The following TMEM266 variants were observed in gnomAD, a reference collection of about 807,000 sequenced individuals.
The protein encoded by TMEM266 is Hv1 related protein 1.
TMEM266 carries 33 observed loss-of-function variants against 50.5 expected under a neutral mutation model. That is an observed-to-expected ratio of 0.65 (90% CI 0.50 to 0.87). The LOEUF is 0.87. Ranked by LOEUF, TMEM266 falls within the 40% of genes least tolerant of loss-of-function variation. TMEM266 has a pLI of 0.00. For synonymous variants in TMEM266, 310 were observed against 292.3 expected, an observed-to-expected ratio of 1.06 and a Z score of -0.62; for missense variants, 655 against 695.1, an observed-to-expected ratio of 0.94 and a Z score of 0.65.
chr15:76,106,051 A>G (rs2935973), intron 1 of TMEM266, among the ~76,000 whole-genome samples: 122,483 of 151,588 alleles, frequency 0.81, 49,560 homozygotes, highest in Admixed American at 0.85. Flanking sequence ...AGATTCCCAG[A>G]TGCACAGGCC....
At position 76,161,462 on chromosome 15, in the gene TMEM266, G is replaced by GCTCT. The variant is rs374927714; in HGVS notation, c.456+1310_456+1313dup. ...CCCCTCTGGCCTAGCTAATGGCTCT[G>GCTCT]CTCTCTCTCTCTCTCTCTCCCTAAA... is the stretch of plus-strand genomic sequence containing the variant. On this transcript the variant is annotated intron_variant, in intron 5 of 10. Coordinates refer to ENST00000388942, the MANE Select transcript of TMEM266 (RefSeq NM_152335.3). This position sits in a 1 kb window ranked among gnomAD's most constrained non-coding sequence, Gnocchi z 4.1. 1.2e-3 allele frequency among the ~76,000 whole-genome samples: 187 copies of GCTCT among 150,296 alleles called. 1 individual carries two copies. Among genetic ancestry groups the GCTCT allele is most frequent in the African/African-American group, 3.6e-3 (146 of 40,920 alleles).
intron 5 of TMEM266, among the ~76,000 whole-genome samples, chr15:76,169,235 A>T (rs57906605): frequency 0.049 from 7,431 of 152,092 alleles, 402 homozygotes; most frequent in African/African-American, 0.14. Flanking sequence ...TGTAGTCACA[A>T]GGCCACTCCC....
At chr15:76,078,326 G>C (rs562641239) in intron 1 of TMEM266, among the ~76,000 whole-genome samples, 4 of 152,040 alleles carry the variant, frequency 2.6e-5, no homozygotes, top group African/African-American at 9.7e-5. Context: ...GTGAATATGA[G>C]CATTTTCAAT....
chr15:76,155,095 T>C (rs2037905733), intron 3 of TMEM266, among the ~76,000 whole-genome samples: 1 of 152,214 alleles, frequency 6.6e-6, no homozygotes, highest in Admixed American at 6.5e-5. Context: ...TTCAGGAGCA[T>C]TATCCCTGTT....
intron 8 of TMEM266, chr15:76,176,363 A>T (rs1026841116): frequency 1.3e-5 from 2 of 152,574 alleles, no homozygotes; most frequent in Non-Finnish European, 2.9e-5. Flanking sequence ...AGGAGTTCAG[A>T]GGAGGGGGAT....
intron 1 of TMEM266, among the ~76,000 whole-genome samples, chr15:76,073,702 T>C (rs2036568786): frequency 6.6e-6 from 1 of 152,262 alleles, no homozygotes; most frequent in African/African-American, 2.4e-5. Context: ...AAACCCTTAA[T>C]TATACACTGT....
At position 76,203,853 on chromosome 15, in the gene TMEM266, C is replaced by A. The variant is rs746449675; in HGVS notation, c.1134C>A (p.Gly378=). 6.2e-7 allele frequency: 1 copy of A among 1,614,064 alleles called. No homozygotes were observed. The highest frequency in any genetic ancestry group is 1.3e-5 in the African/African-American group (1 of 74,916). Residue 378 remains glycine (G), a synonymous_variant, in exon 11 of 11, where the codon GGC becomes GGA. Transcript: ENST00000388942. ...CTCTGGACATGCCCCTCAAACTCGG[C>A]GGTAATGGCACCAGCGCCACCTCGG...
chr15:76,060,802 C>T (rs958555997), intron 1 of TMEM266, among the ~76,000 whole-genome samples: 5 of 152,162 alleles, frequency 3.3e-5, no homozygotes, highest in Non-Finnish European at 5.9e-5. Context: ...GAAACACCCC[C>T]GTAATCTAGC....
At chr15:76,105,323 A>G (rs993912880) in intron 1 of TMEM266, among the ~76,000 whole-genome samples, 1 of 152,204 alleles carries the variant, frequency 6.6e-6, no homozygotes, top group Non-Finnish European at 1.5e-5. Context: ...TGGTCCTCCA[A>G]GGCACAGCCT....
At chr15:76,117,446 A>G (rs1299340318) in intron 1 of TMEM266, among the ~76,000 whole-genome samples, 1 of 152,074 alleles carries the variant, frequency 6.6e-6, no homozygotes, top group African/African-American at 2.4e-5. Context: ...AGACTGGCCC[A>G]GTTTTACAGC....
chr15:76,119,005 C>T (rs749420445), intron 1 of TMEM266, among the ~76,000 whole-genome samples: 1 of 152,156 alleles, frequency 6.6e-6, no homozygotes, highest in East Asian at 1.9e-4. Context: ...ATTTAACCCT[C>T]GTCATCATGC....
At chr15:76,170,319 C>T (rs2038167921) in intron 6 of TMEM266, among the ~76,000 whole-genome samples, 2 of 152,194 alleles carry the variant, frequency 1.3e-5, no homozygotes, top group African/African-American at 2.4e-5. Context: ...GTTGTGCACA[C>T]AGACAAGGCA....
chr15:76,193,119 A>C (rs2038606996), intron 9 of TMEM266, among the ~76,000 whole-genome samples: 1 of 152,012 alleles, frequency 6.6e-6, no homozygotes, highest in Non-Finnish European at 1.5e-5. Context: ...TGTAAAATGG[A>C]CTCTTAACTC....
chr15:76,146,815 A>G (rs550197278), intron 3 of TMEM266, among the ~76,000 whole-genome samples: 1 of 152,330 alleles, frequency 6.6e-6, no homozygotes, highest in East Asian at 1.9e-4. Context: ...CCACCAGGCT[A>G]GGTCCTCAGC....
At chr15:76,140,392 C>G (rs1567164769) in intron 3 of TMEM266, among the ~76,000 whole-genome samples, 2 of 152,226 alleles carry the variant, frequency 1.3e-5, no homozygotes, top group African/African-American at 2.4e-5. Context: ...AATGTCCAAC[C>G]CGGCCCTTTC....
rs757956002 is a variant in TMEM266, at chr15:76,168,722, C to G, written c.457-1094C>G. Reference sequence around the variant, plus strand: ...CCAGGTGTTAGGGATAAAAGAGAGACAGCAGACCAGGTCCCTTGAGCCTCC... The same window carrying G: ...CCAGGTGTTAGGGATAAAAGAGAGAGAGCAGACCAGGTCCCTTGAGCCTCC... On this transcript the variant is annotated intron_variant, in intron 5 of 10. Coordinates refer to ENST00000388942, the MANE Select transcript of TMEM266 (RefSeq NM_152335.3). This position sits in a 1 kb window ranked among gnomAD's most constrained non-coding sequence, Gnocchi z 4.4. Among the ~76,000 whole-genome samples the G allele has an allele frequency of 6.6e-6, 1 of 152,238 alleles. No individual in the cohort carries two copies. Among genetic ancestry groups the G allele is most frequent in the African/African-American group, 2.4e-5 (1 of 41,458 alleles).
chr15:76,067,670 GAAA>G (rs977659812), intron 1 of TMEM266, among the ~76,000 whole-genome samples: 5 of 96,252 alleles, frequency 5.2e-5, no homozygotes, highest in East Asian at 3.6e-4. Context: ...GAAAAGAAAA[GAAA>G]AAGTCATTCT....
At position 76,137,849 on chromosome 15, in the gene TMEM266, G is replaced by A; in HGVS notation, c.181G>A (p.Gly61Ser). 1 of 1,604,076 alleles carries A rather than the reference G, an allele frequency of 6.2e-7. No homozygotes were observed. The highest frequency in any genetic ancestry group is 8.5e-7 in the Non-Finnish European group (1 of 1,175,324). ...GGCTGCTGTCGATCTCTCCACGGCG[G>A]GCTCGCAGCTCCTGTCAAATCTGGA... The change falls in exon 3 of 11, where the codon GGC (glycine) becomes AGC (serine). Residue 61 changes from glycine to serine, a missense_variant. By Grantham distance (56) the Gly-to-Ser change is moderately conservative. Transcript: ENST00000388942.
intron 8 of TMEM266, among the ~76,000 whole-genome samples, chr15:76,179,342 G>A (rs1198110139): frequency 6.6e-6 from 1 of 152,146 alleles, no homozygotes; most frequent in Non-Finnish European, 1.5e-5. Context: ...AGCAACTAAT[G>A]GGTGTGGACC....
Sources: gnomAD v4.1 joint callset for allele counts (sites outside exome capture counted in the v4.1 genomes callset) on GRCh38, gnomAD v4.1.1 for gene constraint, Gnocchi (gnomAD v3.1) non-coding constraint, MANE v1.5 for transcripts, NCBI Gene and HGNC (gene_info 2026-07-23, HGNC 2026-07-21) for gene names.